The following OR2L3 variants were observed in gnomAD, a reference collection of about 807,000 sequenced individuals.
OR2L3 encodes olfactory receptor 2L3.
For missense variants in OR2L3, 369 were observed against 376.6 expected (o/e 0.98, Z 0.17); for synonymous variants, 131 against 139.1 (o/e 0.94, Z 0.41).
chr1:248,047,635 C>T (rs539266768), intron 1 of OR2L3, among the ~76,000 whole-genome samples: 23 of 152,178 alleles, frequency 1.5e-4, no homozygotes, highest in African/African-American at 4.6e-4. Flanking sequence ...TTTTTTCTTT[C>T]GGGACACAAG....
At chr1:248,048,777 G>GAA (rs1663164320) in intron 1 of OR2L3, among the ~76,000 whole-genome samples, 1 of 152,082 alleles carries the variant, frequency 6.6e-6, no homozygotes, top group African/African-American at 2.4e-5. Flanking sequence ...CAGAAGACAG[G>GAA]AAGTAAACCA....
chr1:248,060,766 C>G lies in OR2L3; in HGVS notation c.85C>G (p.Leu29Val). 1 of 1,614,086 alleles carries G rather than the reference C, an allele frequency of 6.2e-7. No individual in the cohort carries two copies. Among genetic ancestry groups the G allele is most frequent in the Non-Finnish European group, 8.5e-7 (1 of 1,179,980 alleles). Residue 29 changes from leucine to valine, a missense_variant, in exon 2 of 2, where the codon CTC (leucine) becomes GTC (valine). Transcript: ENST00000359959. ...PSRIGLFLFI[L>V]IVFIFLMALI... is the part of the protein sequence containing the mutation. ...AAGAATTGGCCTTTTCCTCTTCATCCTCATTGTTTTCATTTTCCTAATGGC... is the reference window on the plus strand; with the variant it reads ...AAGAATTGGCCTTTTCCTCTTCATCGTCATTGTTTTCATTTTCCTAATGGC...
intron 1 of OR2L3, among the ~76,000 whole-genome samples, chr1:248,047,377 A>C (rs1357485660): frequency 2.6e-5 from 4 of 152,182 alleles, no homozygotes; most frequent in Admixed American, 2.6e-4. Flanking sequence ...ATGCCTGGAA[A>C]GTATTAGTGT....
At chr1:248,050,182 G>C (rs989438131) in intron 1 of OR2L3, among the ~76,000 whole-genome samples, 10 of 151,910 alleles carry the variant, frequency 6.6e-5, no homozygotes, top group Non-Finnish European at 1.0e-4. Context: ...CTCTGAAATA[G>C]TGACCAGGAC....
chr1:248,061,117 G>C lies in OR2L3; in HGVS notation c.436G>C (p.Gly146Arg), dbSNP rs754175017. 1 of 1,613,844 alleles carries C rather than the reference G, an allele frequency of 6.2e-7. No individual in the cohort carries two copies. The highest frequency in any genetic ancestry group is 2.2e-5 in the East Asian group (1 of 44,866). The part of the protein sequence containing the change: ...SKRMCVLMIT[G>R]SWIIGSINAC... ...AAGAATGTGTGTGCTGATGATAACA[G>C]GGTCTTGGATCATAGGCTCGATCAA... Residue 146 changes from glycine (G) to arginine (R), a missense_variant, in exon 2 of 2, where the codon GGG becomes CGG. Coordinates refer to ENST00000359959, the MANE Select transcript of OR2L3 (RefSeq NM_001004687.2).
At chr1:248,052,247 A>C (rs1663284316) in intron 1 of OR2L3, among the ~76,000 whole-genome samples, 1 of 152,186 alleles carries the variant, frequency 6.6e-6, no homozygotes, top group Admixed American at 6.5e-5. Flanking sequence ...GTAAATATCC[A>C]CTTTTCCAAA....
At chr1:248,052,337 G>GTCA (rs1663287304) in intron 1 of OR2L3, among the ~76,000 whole-genome samples, 1 of 152,192 alleles carries the variant, frequency 6.6e-6, no homozygotes, top group Admixed American at 6.5e-5. Context: ...ATGTATATGA[G>GTCA]AGGCTATTTC....
At chr1:248,055,401 CT>C (rs957844592) in intron 1 of OR2L3, among the ~76,000 whole-genome samples, 12 of 148,844 alleles carry the variant, frequency 8.1e-5, no homozygotes, top group Admixed American at 2.7e-4. Context: ...ACAAAGTTTT[CT>C]TTTTTTTTTG....
chr1:248,057,500 C>G (rs920300293), intron 1 of OR2L3, among the ~76,000 whole-genome samples: 10 of 152,096 alleles, frequency 6.6e-5, no homozygotes, highest in African/African-American at 2.4e-4. Flanking sequence ...AAATTTTTCT[C>G]TATTCCTTTA....
chr1:248,049,907 T>G (rs1663204424), intron 1 of OR2L3, among the ~76,000 whole-genome samples: 1 of 152,214 alleles, frequency 6.6e-6, no homozygotes, highest in Middle Eastern at 3.2e-3. Flanking sequence ...TATGTATGTA[T>G]ATATGTATAT....
chr1:248,047,490 G>T (rs1439856878), intron 1 of OR2L3, among the ~76,000 whole-genome samples: 1 of 152,110 alleles, frequency 6.6e-6, no homozygotes, highest in Non-Finnish European at 1.5e-5. Flanking sequence ...TTAAAAGAAG[G>T]ATGTTCTTCT....
chr1:248,056,319 T>C (rs1663433194), intron 1 of OR2L3, among the ~76,000 whole-genome samples: 1 of 152,092 alleles, frequency 6.6e-6, no homozygotes, highest in African/African-American at 2.4e-5. Context: ...CCTGGATTCA[T>C]TGTTTGAAGG....
chr1:248,060,883 A>G lies in OR2L3; in HGVS notation c.202A>G (p.Ile68Val). 1 of 1,613,860 alleles carries G rather than the reference A, an allele frequency of 6.2e-7. No individual in the cohort carries two copies. Among genetic ancestry groups the G allele is most frequent in the Non-Finnish European group, 8.5e-7 (1 of 1,179,854 alleles). Residue 68 changes from isoleucine to valine, a missense_variant, in exon 2 of 2, where the codon ATT becomes GTT. Physicochemically the swap from Ile to Val is conservative, Grantham distance 29 (BLOSUM62 3). Coordinates refer to ENST00000359959, the MANE Select transcript of OR2L3 (RefSeq NM_001004687.2). ...TTTCCTACTTAGTCAGCTCTCCCTC[A>G]TTGACCTAAATTACATCTCCACCAT... is the stretch of plus-strand genomic sequence containing the variant. ...MYFLLSQLSL[I>V]DLNYISTIVP...
intron 1 of OR2L3, among the ~76,000 whole-genome samples, chr1:248,047,562 T>C (rs537728387): frequency 6.6e-6 from 1 of 152,286 alleles, no homozygotes. Flanking sequence ...CCAGATTTTG[T>C]TTTTACACGC....
In OR2L3 at chr1:248,057,716, TG is replaced by T. The variant is rs376301590; in HGVS notation, c.-21-2943del. On this transcript the variant is annotated intron_variant, in intron 1 of 1. Transcript: ENST00000359959. Reference sequence around the variant, plus strand: ...TCAATGTATAAAGTTTTTAACTCCTTGGTTAGGTTTATTCTTAAGTGTTTTA... The same window carrying T: ...TCAATGTATAAAGTTTTTAACTCCTTGTTAGGTTTATTCTTAAGTGTTTTA... 1.4e-3 allele frequency among the ~76,000 whole-genome samples: 208 copies of T among 152,304 alleles called. 2 individuals are homozygous for T. Among genetic ancestry groups the T allele is most frequent in the African/African-American group, 4.9e-3 (202 of 41,576 alleles).
intron 1 of OR2L3, among the ~76,000 whole-genome samples, chr1:248,059,290 T>C (rs1416400210): frequency 6.6e-6 from 1 of 152,216 alleles, no homozygotes; most frequent in Non-Finnish European, 1.5e-5. Context: ...GCAAAGTTGT[T>C]CTCTGATGTC....
At chr1:248,056,177 CT>C (rs936484296) in intron 1 of OR2L3, among the ~76,000 whole-genome samples, 3 of 151,950 alleles carry the variant, frequency 2.0e-5, no homozygotes, top group South Asian at 2.1e-4. Flanking sequence ...CTTTATTATT[CT>C]TTTTTTATTA....
intron 1 of OR2L3, among the ~76,000 whole-genome samples, chr1:248,048,921 C>T (rs79386705): frequency 0.017 from 2,407 of 141,976 alleles, 46 homozygotes; most frequent in African/African-American, 0.064. Context: ...TTTTCTCTCT[C>T]TCTTTTTTTT....
chr1:248,058,463 C>A (rs1422010473), intron 1 of OR2L3, among the ~76,000 whole-genome samples: 4 of 152,004 alleles, frequency 2.6e-5, no homozygotes, highest in Non-Finnish European at 5.9e-5. Context: ...AAGGGGTTGA[C>A]AACATCATTT....
Sources: allele counts gnomAD v4.1 joint callset (sites outside exome capture counted in the v4.1 genomes callset), GRCh38; gene constraint gnomAD v4.1.1; transcripts MANE v1.5; gene names NCBI Gene and HGNC (gene_info 2026-07-23, HGNC 2026-07-21).